Variants in BNC2 observed in about 807,000 individuals in gnomAD.
BNC2 encodes zinc finger protein basonuclin-2.
BNC2 carries 20 observed loss-of-function variants against 76.3 expected under a neutral mutation model. The ratio of observed to expected loss-of-function variants is 0.26; its 90% CI spans 0.18 to 0.38. The LOEUF (loss-of-function observed/expected upper bound fraction) is 0.38. Ranked by LOEUF, BNC2 falls within the 10% of genes least tolerant of loss-of-function variation. The pLI, the probability that BNC2 is intolerant of heterozygous loss-of-function variation, is 1.00. For missense variants in BNC2, 1,382 were observed against 1,399.8 expected (o/e 0.99, Z 0.20); for synonymous variants, 582 against 514.8 (o/e 1.13, Z -1.77).
intron 1 of BNC2, among the ~76,000 whole-genome samples, chr9:16,774,262 C>T (rs1436211677): frequency 6.6e-6 from 1 of 152,162 alleles, no homozygotes; most frequent in Non-Finnish European, 1.5e-5. Flanking sequence ...GGATTACAGT[C>T]GTGAGCCACC....
At chr9:16,791,543 G>T (rs766190770) in intron 1 of BNC2, among the ~76,000 whole-genome samples, 6 of 152,142 alleles carry the variant, frequency 3.9e-5, no homozygotes, top group South Asian at 2.1e-4. Context: ...CCAAATTTAA[G>T]AAACAGAGAT....
At chr9:16,857,062 A>T (rs1262933911) in intron 1 of BNC2, among the ~76,000 whole-genome samples, 2 of 152,250 alleles carry the variant, frequency 1.3e-5, no homozygotes, top group Non-Finnish European at 2.9e-5. Flanking sequence ...TACATCATAA[A>T]AAATAGAAAA....
At chr9:16,607,026 C>T (rs946486759) in intron 3 of BNC2, among the ~76,000 whole-genome samples, 2 of 152,294 alleles carry the variant, frequency 1.3e-5, no homozygotes, top group African/African-American at 2.4e-5. Context: ...CAGCTCACTG[C>T]AGCCTCAACC....
intron 3 of BNC2, among the ~76,000 whole-genome samples, chr9:16,657,934 T>C (rs936257264): frequency 2.0e-5 from 3 of 152,170 alleles, no homozygotes; most frequent in Non-Finnish European, 4.4e-5. Context: ...TTGTAATCTC[T>C]GATTTTCTAA....
chr9:16,864,462 A>C (rs1819490242), intron 1 of BNC2, among the ~76,000 whole-genome samples: 1 of 152,200 alleles, frequency 6.6e-6, no homozygotes, highest in East Asian at 1.9e-4. Flanking sequence ...CCTCAAATGA[A>C]GTTTGGATGA....
At chr9:16,662,179 G>A (rs2134068833) in intron 3 of BNC2, among the ~76,000 whole-genome samples, 1 of 152,284 alleles carries the variant, frequency 6.6e-6, no homozygotes, top group South Asian at 2.1e-4. Flanking sequence ...TCTACTTTGT[G>A]TACTCAGAAT....
At chr9:16,503,187 T>G (rs917251273) in intron 5 of BNC2, among the ~76,000 whole-genome samples, 2 of 152,116 alleles carry the variant, frequency 1.3e-5, no homozygotes, top group Non-Finnish European at 2.9e-5. Context: ...TTTACCACCC[T>G]CCTCCAGCCC....
chr9:16,701,363 C>G (rs10738449), intron 3 of BNC2, among the ~76,000 whole-genome samples: 91,027 of 152,108 alleles, frequency 0.6, 30,941 homozygotes, highest in Non-Finnish European at 0.79. Flanking sequence ...CTGGATTACA[C>G]ATGTTAGGCC....
chr9:16,715,887 A>T (rs1451066145), intron 3 of BNC2, among the ~76,000 whole-genome samples: 1 of 152,240 alleles, frequency 6.6e-6, no homozygotes, highest in African/African-American at 2.4e-5. Context: ...ACAGAGATTT[A>T]AAAATACATA....
intron 3 of BNC2, among the ~76,000 whole-genome samples, chr9:16,630,029 T>C (rs1293843647): frequency 6.6e-6 from 1 of 152,212 alleles, no homozygotes; most frequent in Non-Finnish European, 1.5e-5. Context: ...CTTTCAAAAT[T>C]GGAGTCAATT....
chr9:16,515,743 C>A (rs2382801), intron 5 of BNC2, among the ~76,000 whole-genome samples: 76,498 of 147,062 alleles, frequency 0.52, 20,897 homozygotes, highest in African/African-American at 0.69. Context: ...TTAAAAAAAA[C>A]CTCTGAAAAA....
chr9:16,846,219 G>A (rs1024026028), intron 1 of BNC2, among the ~76,000 whole-genome samples: 1 of 151,786 alleles, frequency 6.6e-6, no homozygotes, highest in African/African-American at 2.4e-5. Context: ...ATTTCTAACT[G>A]TAAAAAAAGA....
chr9:16,761,981 G>A (rs1044484006), intron 1 of BNC2, among the ~76,000 whole-genome samples: 16 of 152,184 alleles, frequency 1.1e-4, no homozygotes, highest in African/African-American at 3.9e-4. Context: ...TAAAAAGAAT[G>A]AACATGGAAA....
intron 5 of BNC2, among the ~76,000 whole-genome samples, chr9:16,480,708 G>C (rs1448592283): frequency 6.6e-6 from 1 of 152,354 alleles, no homozygotes; most frequent in South Asian, 2.1e-4. Flanking sequence ...CACTGGCGCT[G>C]TACTTGATTT....
chr9:16,522,574 A>G (rs748935413), intron 5 of BNC2, among the ~76,000 whole-genome samples: 1 of 152,160 alleles, frequency 6.6e-6, no homozygotes, highest in Non-Finnish European at 1.5e-5. Context: ...GGAGGGTGTG[A>G]CTGAGACTTG....
At position 16,726,559 on chromosome 9, in the gene BNC2, TAAAAA is replaced by T. The variant is rs35579154; in HGVS notation, c.330+1233_330+1237del. ...TGAACTCTTACAAACAAAAGCTTTT[TAAAAA>T]AAAAAAAAAAAAAAGCAGTTGCAGT... On this transcript the variant is annotated intron_variant, in intron 3 of 6. Transcript: ENST00000380672. 7.6e-3 allele frequency among the ~76,000 whole-genome samples: 781 copies of T among 102,424 alleles called. 7 individuals are homozygous for T. Among genetic ancestry groups the T allele is most frequent in the African/African-American group, 0.021 (737 of 35,606 alleles). The allele number at this position is 102,424 out of a possible 152,430, so 67.2% of individuals were successfully genotyped here.
intron 3 of BNC2, among the ~76,000 whole-genome samples, chr9:16,717,261 G>C (rs1384636442): frequency 6.6e-6 from 1 of 152,126 alleles, no homozygotes; most frequent in Non-Finnish European, 1.5e-5. Context: ...CACTGAACCA[G>C]TGTTCACATT....
intron 4 of BNC2, among the ~76,000 whole-genome samples, chr9:16,561,055 A>G: frequency 6.6e-6 from 1 of 152,118 alleles, no homozygotes; most frequent in East Asian, 1.9e-4. Context: ...CCTGGCGAAT[A>G]TAGTGAAACC....
chr9:16,787,604 C>G (rs946228526), intron 1 of BNC2, among the ~76,000 whole-genome samples: 1 of 152,194 alleles, frequency 6.6e-6, no homozygotes, highest in Non-Finnish European at 1.5e-5. Flanking sequence ...TGGGCTTATT[C>G]TATATCCGGT....
Sources: allele counts gnomAD v4.1 joint callset (sites outside exome capture counted in the v4.1 genomes callset), GRCh38; gene constraint gnomAD v4.1.1; transcripts MANE v1.5; gene names NCBI Gene and HGNC (gene_info 2026-07-23, HGNC 2026-07-21).